CCDC3: variants seen among roughly 807,000 people sequenced by gnomAD.
The protein encoded by CCDC3 is coiled-coil domain-containing protein 3.
In CCDC3, 24 loss-of-function variants were observed where a neutral mutation model predicts 21.4. That is an observed-to-expected ratio of 1.12 (90% CI 0.81 to 1.58). The LOEUF (loss-of-function observed/expected upper bound fraction) is 1.58, where lower values mean the gene tolerates loss of function less well. CCDC3 is among the 40% of genes most tolerant of loss of function. The pLI is 0.00. For synonymous variants in CCDC3, 186 were observed against 166.0 expected (o/e 1.12, Z -0.93); for missense variants, 425 against 360.9 (o/e 1.18, Z -1.44).
chr10:13,029,117 G>A (rs1836264758), intron 5 of CCDC3, among the ~76,000 whole-genome samples: 1 of 152,144 alleles, frequency 6.6e-6, no homozygotes, highest in Non-Finnish European at 1.5e-5. Flanking sequence ...TGCTCCTGCT[G>A]TGTCCTTTCT....
chr10:12,969,537 C>T (rs2580919), intron 2 of CCDC3, among the ~76,000 whole-genome samples: 76,412 of 151,116 alleles, frequency 0.51, 19,432 homozygotes, highest in African/African-American at 0.52. Context: ...AGTAGTAAAC[C>T]GACTACTGGG....
At chr10:13,067,332 C>A (rs144371985) in intron 4 of CCDC3, among the ~76,000 whole-genome samples, 1 of 152,172 alleles carries the variant, frequency 6.6e-6, no homozygotes, top group Non-Finnish European at 1.5e-5. Flanking sequence ...TCCAACCCTG[C>A]ATTTTAAACT....
intron 2 of CCDC3, among the ~76,000 whole-genome samples, chr10:12,918,454 T>C (rs924722459): frequency 1.3e-5 from 2 of 152,250 alleles, no homozygotes; most frequent in African/African-American, 2.4e-5. Context: ...GCCCATTATT[T>C]TTCCTTAAAG....
chr10:12,928,595 A>G (rs997607192), intron 2 of CCDC3, among the ~76,000 whole-genome samples: 8 of 151,950 alleles, frequency 5.3e-5, no homozygotes, highest in South Asian at 4.2e-4. Flanking sequence ...TTCTTCTGGG[A>G]CTCCTGTTAG....
At chr10:12,995,521 C>T (rs535394428) in intron 2 of CCDC3, among the ~76,000 whole-genome samples, 6 of 152,292 alleles carry the variant, frequency 3.9e-5, no homozygotes, top group South Asian at 2.1e-4. Context: ...GGAATACAGG[C>T]GTGAGCCACT....
chr10:12,984,003 C>T (rs942571050), intron 2 of CCDC3, among the ~76,000 whole-genome samples: 1 of 152,158 alleles, frequency 6.6e-6, no homozygotes, highest in African/African-American at 2.4e-5. Flanking sequence ...TCACCTGACC[C>T]CGGGAGACAG....
At chr10:13,076,759 T>C (rs1836969914) in intron 3 of CCDC3, among the ~76,000 whole-genome samples, 1 of 152,224 alleles carries the variant, frequency 6.6e-6, no homozygotes, top group Non-Finnish European at 1.5e-5. Context: ...CTAAGTCCTT[T>C]AGTAAGCAAC....
chr10:12,898,740 G>T, intron 2 of CCDC3, 61 bp from the exon 3 acceptor site: 2 of 1,571,320 alleles, frequency 1.3e-6, no homozygotes, highest in East Asian at 4.6e-5. Context: ...GCTGCGGCCA[G>T]GGGAGTCCCA....
At chr10:13,012,028 G>A (rs762374104) in intron 5 of CCDC3, among the ~76,000 whole-genome samples, 48 of 151,034 alleles carry the variant, frequency 3.2e-4, no homozygotes, top group Non-Finnish European at 4.4e-4. Flanking sequence ...CCTTCCTTAC[G>A]CCATACACAA....
chr10:12,901,881 T>C (rs1834098819), intron 2 of CCDC3, among the ~76,000 whole-genome samples: 1 of 152,186 alleles, frequency 6.6e-6, no homozygotes, highest in South Asian at 2.1e-4. Context: ...ACATCAGCGC[T>C]TTCTCATCCC....
At chr10:12,978,495 G>T (rs772300632) in intron 2 of CCDC3, among the ~76,000 whole-genome samples, 1 of 152,094 alleles carries the variant, frequency 6.6e-6, no homozygotes, top group Non-Finnish European at 1.5e-5. Context: ...TACATGACAC[G>T]GTCAAGGGAG....
chr10:12,915,491 TAG>T (rs1834338720), intron 2 of CCDC3, among the ~76,000 whole-genome samples: 1 of 152,244 alleles, frequency 6.6e-6, no homozygotes, highest in Non-Finnish European at 1.5e-5. Flanking sequence ...TCTGTATCTT[TAG>T]AGTCAGTTAC....
chr10:12,968,616 A>C (rs1349717610), intron 2 of CCDC3, among the ~76,000 whole-genome samples: 2 of 152,252 alleles, frequency 1.3e-5, no homozygotes, highest in African/African-American at 4.8e-5. Flanking sequence ...TATGTAAGTA[A>C]CATTTATCTT....
chr10:12,994,116 G>A (rs982972250), intron 2 of CCDC3, among the ~76,000 whole-genome samples: 1 of 152,174 alleles, frequency 6.6e-6, no homozygotes, highest in East Asian at 1.9e-4. Context: ...AGCATCTAGA[G>A]GTGGGGCATG....
At chr10:12,979,945 A>T (rs915694351) in intron 2 of CCDC3, among the ~76,000 whole-genome samples, 4 of 152,190 alleles carry the variant, frequency 2.6e-5, no homozygotes, top group African/African-American at 9.7e-5. Flanking sequence ...TAATAGTTTA[A>T]TCATTGAAAT....
chr10:12,920,687 G>A (rs74607308), intron 2 of CCDC3, among the ~76,000 whole-genome samples: 7,387 of 152,234 alleles, frequency 0.049, 223 homozygotes, highest in Non-Finnish European at 0.072. Context: ...TTTTGAACAC[G>A]TATCTTATTA....
intron 2 of CCDC3, among the ~76,000 whole-genome samples, chr10:12,923,249 T>C (rs1250710628): frequency 1.3e-5 from 2 of 152,230 alleles, no homozygotes; most frequent in African/African-American, 2.4e-5. Context: ...CAGCATGTCA[T>C]GTCTATGCTC....
intron 2 of CCDC3, among the ~76,000 whole-genome samples, chr10:12,988,725 C>T (rs1835636484): frequency 6.6e-6 from 1 of 152,210 alleles, no homozygotes; most frequent in Non-Finnish European, 1.5e-5. Flanking sequence ...GATGTAGTGA[C>T]TGTCTCTCCC....
At chr10:13,097,796 T>G (rs1588424834) in intron 3 of CCDC3, among the ~76,000 whole-genome samples, 1 of 152,206 alleles carries the variant, frequency 6.6e-6, no homozygotes, top group Admixed American at 6.5e-5. Context: ...CAAAAGGCTA[T>G]TCAATAAATG....
Sources: allele counts gnomAD v4.1 joint callset (sites outside exome capture counted in the v4.1 genomes callset), GRCh38; gene constraint gnomAD v4.1.1; transcripts MANE v1.5; gene names NCBI Gene and HGNC (gene_info 2026-07-23, HGNC 2026-07-21).